EIF2S3: variants seen among roughly 807,000 people sequenced by gnomAD.
EIF2S3 encodes the protein eukaryotic translation initiation factor 2 subunit 3.
EIF2S3 carries 2 observed loss-of-function variants against 31.7 expected under a neutral mutation model. The observed-to-expected ratio is 0.06, with a 90% CI of 0.03 to 0.20. The LOEUF is 0.20. Ranked by LOEUF, EIF2S3 falls within the 10% of genes least tolerant of loss-of-function variation. EIF2S3 has a pLI of 1.00. For synonymous variants in EIF2S3, 120 were observed against 126.7 expected, an observed-to-expected ratio of 0.95 and a Z score of 0.36; for missense variants, 96 against 359.3, an observed-to-expected ratio of 0.27 and a Z score of 5.92.
intron 7 of EIF2S3, among the ~76,000 whole-genome samples, chrX:24,064,597 G>A (rs1930542983): frequency 8.9e-6 from 1 of 112,358 alleles, no homozygotes; most frequent in African/African-American, 3.2e-5. Context: ...GGGGGCCGAG[G>A]TGGGTGGATC....
chrX:24,072,989 A>G, intron 10 of EIF2S3, 102 bp from the exon 11 acceptor site: 1 of 912,669 alleles, frequency 1.1e-6, no homozygotes, highest in East Asian at 3.2e-5. Context: ...AATTTTTTTT[A>G]TGATTGACAT....
At chrX:24,066,458 A>AT (rs1231594349) in intron 8 of EIF2S3, among the ~76,000 whole-genome samples, 2 of 107,262 alleles carry the variant, frequency 1.9e-5, no homozygotes, top group Admixed American at 1.0e-4. Flanking sequence ...AAATGGCAGA[A>AT]TTTTTTTTTA....
At chrX:24,064,434 G>T in intron 7 of EIF2S3, 99 bp downstream of exon 7, 1 of 1,009,789 alleles carries the variant, frequency 9.9e-7, no homozygotes, top group South Asian at 3.0e-5. Context: ...TTCTGCAGAG[G>T]TGATAATTCA....
At chrX:24,074,040 C>G (rs1336813869) in intron 11 of EIF2S3, among the ~76,000 whole-genome samples, 3 of 112,175 alleles carry the variant, frequency 2.7e-5, no homozygotes, top group Non-Finnish European at 5.6e-5. Flanking sequence ...TATGTAACCA[C>G]TTAGAAATTT....
chrX:24,060,520 GTA>G (rs1569278240), intron 5 of EIF2S3: 9 of 259,240 alleles, frequency 3.5e-5, no homozygotes, highest in Non-Finnish European at 6.2e-5. Context: ...TTGTGTGTGT[GTA>G]TGTCTGAACT....
chrX:24,072,667 A>G (rs967961800), intron 10 of EIF2S3, among the ~76,000 whole-genome samples: 1 of 111,272 alleles, frequency 9.0e-6, no homozygotes, highest in South Asian at 3.8e-4. Flanking sequence ...ATTGAGGAAA[A>G]TAAGCTATCA....
chrX:24,057,314 C>T (rs1199015676), intron 2 of EIF2S3, 107 bp from the exon 3 acceptor site: 5 of 1,001,190 alleles, frequency 5.0e-6, no homozygotes, highest in Non-Finnish European at 5.3e-6. Flanking sequence ...CTGGCGTGAG[C>T]CACCGTGTCC....
intron 6 of EIF2S3, among the ~76,000 whole-genome samples, chrX:24,063,101 G>A (rs1478334438): frequency 1.8e-5 from 2 of 111,641 alleles, no homozygotes; most frequent in Admixed American, 1.9e-4. Flanking sequence ...AAATTAGCAG[G>A]GTGTGGTGGC....
intron 4 of EIF2S3, among the ~76,000 whole-genome samples, chrX:24,058,963 G>C (rs1452061490): frequency 9.1e-6 from 1 of 110,263 alleles, no homozygotes; most frequent in Non-Finnish European, 1.9e-5. Flanking sequence ...GGCCTCAAGT[G>C]ATCTGCCCGC....
intron 4 of EIF2S3, among the ~76,000 whole-genome samples, chrX:24,059,273 A>C (rs780570660): frequency 8.9e-6 from 1 of 112,110 alleles, no homozygotes; most frequent in Non-Finnish European, 1.9e-5. Context: ...CCTCTGTTTT[A>C]GATCATGACA....
intron 9 of EIF2S3, among the ~76,000 whole-genome samples, chrX:24,069,412 A>T (rs1378908393): frequency 9.2e-6 from 1 of 108,529 alleles, no homozygotes; most frequent in Non-Finnish European, 1.9e-5. Context: ...AAGAAAAGAA[A>T]AAATGAATTT....
At chrX:24,072,993 T>A in intron 10 of EIF2S3, 98 bp from the exon 11 acceptor site, 1 of 929,791 alleles carries the variant, frequency 1.1e-6, no homozygotes, top group Non-Finnish European at 1.5e-6. Flanking sequence ...TTTTTTATGA[T>A]TGACATATTT....
chrX:24,076,692 T>G, intron 11 of EIF2S3, 30 bp from the exon 12 acceptor site: 1 of 1,187,494 alleles, frequency 8.4e-7, no homozygotes, highest in Non-Finnish European at 1.1e-6. Flanking sequence ...GGATGTAAGA[T>G]TTATGATTTC....
intron 5 of EIF2S3, among the ~76,000 whole-genome samples, chrX:24,061,770 T>A (rs905427280): frequency 4.5e-5 from 5 of 111,154 alleles, no homozygotes; most frequent in African/African-American, 1.6e-4. Flanking sequence ...ATAGACAGTA[T>A]TAAGTGCTTT....
At position 24,070,795 on chromosome X, in the gene EIF2S3, G is replaced by A. The variant is rs148931464; in HGVS notation, c.1013-763G>A. Among the ~76,000 whole-genome samples the A allele has an allele frequency of 1.9e-3, 213 of 111,737 alleles. 1 individual carries two copies. Among genetic ancestry groups the A allele is most frequent in the African/African-American group, 6.6e-3 (203 of 30,749 alleles). ...CTTTCAGGGGAGAAATGGCATGCAG[G>A]TATTCTGCAAACTACTCATTTTGAA... On this transcript the variant is annotated intron_variant, in intron 9 of 11. Coordinates refer to ENST00000253039, the MANE Select transcript of EIF2S3 (RefSeq NM_001415.4).
At chrX:24,055,782 A>G (rs1029123499) in intron 2 of EIF2S3, 104 bp downstream of exon 2, 29 of 798,791 alleles carry the variant, frequency 3.6e-5, no homozygotes, top group Admixed American at 2.7e-5. Flanking sequence ...TATTCAAGAA[A>G]TAGATACTGA....
intron 9 of EIF2S3, among the ~76,000 whole-genome samples, chrX:24,068,448 CTT>C (rs375660956): frequency 9.7e-6 from 1 of 102,593 alleles, no homozygotes. Flanking sequence ...TAATGGTTGC[CTT>C]TTTTTTTTTT....
In EIF2S3 at chrX:24,078,356, GGTTCT is replaced by G. The variant is rs956639049; in HGVS notation, c.*1575_*1579del. Among the ~76,000 whole-genome samples, 3 of 110,365 alleles carry G rather than the reference GGTTCT, an allele frequency of 2.7e-5. No individual in the cohort carries two copies. Among genetic ancestry groups the G allele is most frequent in the African/African-American group, 9.9e-5 (3 of 30,421 alleles). ...TTCTTTATGTTTTTGCTTCGTAAGA[GGTTCT>G]GTTGAGCAGTGATTTGCAACTCTTG... On this transcript the variant is annotated 3_prime_UTR_variant, in exon 12 of 12. Transcript: ENST00000253039.
At chrX:24,060,669 T>A (rs1219730969) in intron 5 of EIF2S3, among the ~76,000 whole-genome samples, 2 of 110,532 alleles carry the variant, frequency 1.8e-5, no homozygotes, top group Non-Finnish European at 3.8e-5. Context: ...GGGGGTAAAA[T>A]TTTTTAAAAG....
Sources: allele counts gnomAD v4.1 joint callset (sites outside exome capture counted in the v4.1 genomes callset), GRCh38; gene constraint gnomAD v4.1.1; transcripts MANE v1.5; gene names NCBI Gene and HGNC (gene_info 2026-07-23, HGNC 2026-07-21).